The following TXLNG variants were observed in gnomAD, a reference collection of about 807,000 sequenced individuals.
TXLNG encodes taxilin gamma.
In TXLNG, 5 loss-of-function variants were observed where a neutral mutation model predicts 38.8. The ratio of observed to expected loss-of-function variants is 0.13; its 90% CI spans 0.07 to 0.27. TXLNG has a LOEUF of 0.27. TXLNG is among the 10% of genes least tolerant of loss of function. The pLI is 1.00. For synonymous variants in TXLNG, 182 were observed against 158.2 expected (o/e 1.15, Z -1.13); for missense variants, 393 against 398.2 (o/e 0.99, Z 0.11).
Position 16,804,937 on chromosome X carries a change from T to C in TXLNG, c.103-13637T>C, listed in dbSNP as rs1182494940. Among the ~76,000 whole-genome samples, 4 of 93,412 alleles carry C rather than the reference T, an allele frequency of 4.3e-5. No homozygotes were observed. The East Asian group carries it at 1.5e-3, about 35-fold the overall frequency. The allele number at this position is 93,412 out of a possible 115,157, so 81.1% of individuals were successfully genotyped here. On this transcript the variant is annotated intron_variant, in intron 1 of 9. Transcript: ENST00000380122. ...CAGGAATTTCAAAGATTTTAATTAT[T>C]TAGCAAACTAATCTCCAGTCACCAC...
chrX:16,843,525 A>G lies in TXLNG; in HGVS notation c.*1759A>G, dbSNP rs1472374250. 8.9e-6 allele frequency: 1 copy of G among 112,182 alleles called. No homozygotes were observed. Among genetic ancestry groups the G allele is most frequent in the Admixed American group, 9.5e-5 (1 of 10,580 alleles). The allele number at this position is 112,182 out of a possible 1,213,427, so 9.2% of individuals were successfully genotyped here. On this transcript the variant is annotated 3_prime_UTR_variant, in exon 10 of 10. Coordinates refer to ENST00000380122, the MANE Select transcript of TXLNG (RefSeq NM_018360.3). ...GTTCTGCTACTAAAATACTAGACTCATTTCCCTGGTGGTGGGGGGGAATGC... is the reference window on the plus strand; with the variant it reads ...GTTCTGCTACTAAAATACTAGACTCGTTTCCCTGGTGGTGGGGGGGAATGC...
At chrX:16,817,423 A>G (rs1220090331) in intron 1 of TXLNG, among the ~76,000 whole-genome samples, 1 of 112,218 alleles carries the variant, frequency 8.9e-6, no homozygotes, top group African/African-American at 3.2e-5. Flanking sequence ...TAACCTCTCT[A>G]TCCCCTCCTA....
At chrX:16,812,189 A>G (rs1291244323) in intron 1 of TXLNG, among the ~76,000 whole-genome samples, 130 of 94,852 alleles carry the variant, frequency 1.4e-3, no homozygotes, top group Non-Finnish European at 2.6e-3. Context: ...TTTTTTTTTT[A>G]GTAGAGACGA....
intron 1 of TXLNG, among the ~76,000 whole-genome samples, chrX:16,794,177 A>G (rs1044262014): frequency 8.9e-6 from 1 of 111,894 alleles, no homozygotes; most frequent in Admixed American, 9.6e-5. Flanking sequence ...GCCATTGTCC[A>G]TATTTCGTAT....
intron 1 of TXLNG, among the ~76,000 whole-genome samples, chrX:16,798,837 C>T (rs887963082): frequency 9.0e-6 from 1 of 110,854 alleles, no homozygotes; most frequent in African/African-American, 3.3e-5. Flanking sequence ...CTTGGCCTCC[C>T]AGAGTGCTAG....
intron 4 of TXLNG, 115 bp from the exon 5 acceptor site, chrX:16,829,461 G>A: frequency 8.5e-6 from 6 of 708,837 alleles, no homozygotes; most frequent in Non-Finnish European, 1.2e-5. Context: ...AGGAATTGTA[G>A]TTCAGAAGCA....
At chrX:16,831,796 C>T (rs1375967897) in intron 5 of TXLNG, among the ~76,000 whole-genome samples, 1 of 111,575 alleles carries the variant, frequency 9.0e-6, no homozygotes, top group Non-Finnish European at 1.9e-5. Context: ...TACTTGCAGG[C>T]GCTCTCTTGA....
Position 16,841,601 on chromosome X carries a change from A to T in TXLNG, c.1422A>T (p.Thr474=). 1 of 1,211,457 alleles carries T rather than the reference A, an allele frequency of 8.3e-7. No individual in the cohort carries two copies. The highest frequency in any genetic ancestry group is 3.0e-5 in the East Asian group (1 of 33,819). The part of the protein sequence containing the change: ...AIKAANRDLA[T]PVMQPCTALD... ...AAGCGGCGAACAGGGATTTAGCAAC[A>T]CCTGTGATGCAGCCCTGTACTGCCC... The change falls in exon 10 of 10, where the codon ACA becomes ACT. Residue 474 remains threonine (T), a synonymous_variant. Transcript: ENST00000380122.
chrX:16,824,781 C>T (rs958512789), intron 3 of TXLNG, among the ~76,000 whole-genome samples: 3 of 108,811 alleles, frequency 2.8e-5, no homozygotes, highest in African/African-American at 1.0e-4. Flanking sequence ...AAAAATTAGC[C>T]GGGCATGGTG....
At chrX:16,815,311 G>A (rs756439265) in intron 1 of TXLNG, among the ~76,000 whole-genome samples, 13 of 109,913 alleles carry the variant, frequency 1.2e-4, no homozygotes, top group African/African-American at 4.3e-4. Flanking sequence ...GAGTAGCTGG[G>A]ATTACAGGAA....
At chrX:16,838,369 C>CT (rs1569273416) in intron 8 of TXLNG, among the ~76,000 whole-genome samples, 1 of 111,872 alleles carries the variant, frequency 8.9e-6, no homozygotes, top group East Asian at 2.8e-4. Flanking sequence ...GTGCCTGGCA[C>CT]TTTGTTAGCA....
chrX:16,819,474 A>T (rs973088192), intron 2 of TXLNG, among the ~76,000 whole-genome samples: 7 of 111,133 alleles, frequency 6.3e-5, no homozygotes, highest in African/African-American at 2.3e-4. Context: ...TTAAAAAAAT[A>T]AAAATGGTAC....
intron 1 of TXLNG, among the ~76,000 whole-genome samples, chrX:16,813,099 A>G (rs936299907): frequency 4.5e-5 from 5 of 111,439 alleles, no homozygotes; most frequent in African/African-American, 1.6e-4. Context: ...TTACAGTCCA[A>G]CGATAAAATA....
At chrX:16,808,772 C>T (rs910827228) in intron 1 of TXLNG, among the ~76,000 whole-genome samples, 3 of 111,377 alleles carry the variant, frequency 2.7e-5, no homozygotes, top group Admixed American at 9.7e-5. Context: ...GTTTATTCAT[C>T]CGGTCTATTA....
At chrX:16,816,794 T>TA (rs1928760454) in intron 1 of TXLNG, among the ~76,000 whole-genome samples, 1 of 112,431 alleles carries the variant, frequency 8.9e-6, no homozygotes, top group Non-Finnish European at 1.9e-5. Flanking sequence ...TGGTTCCTCT[T>TA]ACTTCTTGAA....
intron 3 of TXLNG, 22 bp from the exon 4 acceptor site, chrX:16,828,072 A>G: frequency 1.7e-6 from 2 of 1,176,399 alleles, no homozygotes; most frequent in South Asian, 1.9e-5. Flanking sequence ...CTTCCTAAAT[A>G]CAAAGTGCTT....
chrX:16,829,805 A>G (rs1929318884), intron 5 of TXLNG, 35 bp downstream of exon 5: 1 of 1,173,476 alleles, frequency 8.5e-7, no homozygotes, highest in African/African-American at 1.8e-5. Flanking sequence ...CGGCTTCTCA[A>G]GATTAGCAAA....
intron 1 of TXLNG, among the ~76,000 whole-genome samples, chrX:16,801,697 G>A (rs924788216): frequency 9.0e-6 from 1 of 111,435 alleles, no homozygotes; most frequent in Non-Finnish European, 1.9e-5. Flanking sequence ...AGCTAGTGGG[G>A]TTGGAGGGAA....
chrX:16,840,488 T>C (rs1229552128), intron 9 of TXLNG: 1 of 752,537 alleles, frequency 1.3e-6, no homozygotes, highest in Non-Finnish European at 1.6e-6. Context: ...AGAACCTTGT[T>C]CTCGGCTGGG....
Sources: allele counts gnomAD v4.1 joint callset (sites outside exome capture counted in the v4.1 genomes callset), GRCh38; gene constraint gnomAD v4.1.1; transcripts MANE v1.5; gene names NCBI Gene and HGNC (gene_info 2026-07-23, HGNC 2026-07-21).